The following RABGAP1L variants were observed in gnomAD, a reference collection of about 807,000 sequenced individuals.
RABGAP1L encodes RAB GTPase activating protein 1 like.
In RABGAP1L, 63 loss-of-function variants were observed where a neutral mutation model predicts 137.7. The observed-to-expected ratio is 0.46, with a 90% CI of 0.37 to 0.56. The LOEUF is 0.56. Among genes scored for constraint, RABGAP1L ranks in the 20% least tolerant of loss-of-function variants. The pLI is 0.00. For missense variants in RABGAP1L, 1,095 were observed against 1,244.0 expected (o/e 0.88, Z 1.80); for synonymous variants, 431 against 433.7 (o/e 0.99, Z 0.08).
At chr1:174,541,242 A>T (rs574513610) in intron 13 of RABGAP1L, among the ~76,000 whole-genome samples, 30 of 152,272 alleles carry the variant, frequency 2.0e-4, no homozygotes, top group Admixed American at 1.2e-3. Flanking sequence ...GTAAACAGGG[A>T]CAATTTGACT....
intron 13 of RABGAP1L, among the ~76,000 whole-genome samples, chr1:174,636,391 G>C (rs558893507): frequency 2.6e-5 from 4 of 152,062 alleles, no homozygotes; most frequent in Non-Finnish European, 4.4e-5. Flanking sequence ...AGCTGGGCGT[G>C]GTGGCGGGCA....
At chr1:174,363,704 A>G (rs956840499) in intron 11 of RABGAP1L, among the ~76,000 whole-genome samples, 9 of 151,936 alleles carry the variant, frequency 5.9e-5, no homozygotes, top group Admixed American at 6.6e-5. Context: ...GGCTTTTGTT[A>G]TATTGAGGTA....
intron 19 of RABGAP1L, among the ~76,000 whole-genome samples, chr1:174,846,063 G>A (rs1048473685): frequency 2.6e-5 from 4 of 151,034 alleles, no homozygotes; most frequent in Admixed American, 6.6e-5. Flanking sequence ...CTGTGGGATC[G>A]GTGGTGATAT....
At chr1:174,663,541 C>A (rs979900829) in intron 14 of RABGAP1L, among the ~76,000 whole-genome samples, 1 of 152,154 alleles carries the variant, frequency 6.6e-6, no homozygotes, top group African/African-American at 2.4e-5. Context: ...TGACATGTTT[C>A]TTAGAACGTA....
intron 17 of RABGAP1L, among the ~76,000 whole-genome samples, chr1:174,706,200 A>G (rs2148537240): frequency 6.6e-6 from 1 of 152,286 alleles, no homozygotes; most frequent in South Asian, 2.1e-4. Context: ...AGCAGAAAAG[A>G]GAAGAATTTT....
At chr1:174,718,837 CTTTTTTTT>C (rs11337437) in intron 17 of RABGAP1L, among the ~76,000 whole-genome samples, 2 of 106,422 alleles carry the variant, frequency 1.9e-5, no homozygotes, top group Admixed American at 1.0e-4. Flanking sequence ...TTTTCTTTTC[CTTTTTTTT>C]TTTTTTTTTT....
Position 174,925,434 on chromosome 1 carries a change from T to C in RABGAP1L, c.2341-32023T>C, listed in dbSNP as rs568473210. ...TGGTGAAAAAACCTTGGCAGGAGCA[T>C]GTCTGGTGTACCGGAGGAACCACAA... On this transcript the variant is annotated intron_variant, in intron 19 of 25. Coordinates refer to ENST00000681986, the MANE Select transcript of RABGAP1L (RefSeq NM_001366446.1). Among the ~76,000 whole-genome samples the C allele has an allele frequency of 4.3e-3, 621 of 145,116 alleles. 2 individuals are homozygous for C. Among genetic ancestry groups the C allele is most frequent in the Non-Finnish European group, 4.3e-3 (287 of 66,974 alleles).
intron 10 of RABGAP1L, among the ~76,000 whole-genome samples, chr1:174,281,239 T>G (rs909440522): frequency 6.6e-6 from 1 of 152,154 alleles, no homozygotes; most frequent in Non-Finnish European, 1.5e-5. Flanking sequence ...TATTCCCTTA[T>G]TTGGCCCAGC....
At chr1:174,876,515 G>C (rs781420604) in intron 19 of RABGAP1L, among the ~76,000 whole-genome samples, 9 of 152,078 alleles carry the variant, frequency 5.9e-5, no homozygotes, top group Non-Finnish European at 1.2e-4. Flanking sequence ...ACTTTGTAAT[G>C]GTGATTATGG....
At chr1:174,534,132 C>G (rs1426445932) in intron 13 of RABGAP1L, among the ~76,000 whole-genome samples, 1 of 132,542 alleles carries the variant, frequency 7.5e-6, no homozygotes, top group Admixed American at 7.7e-5. Flanking sequence ...GAGGTCAACT[C>G]TGTGTGTGTG....
At chr1:174,295,216 CTTTT>C (rs1186475150) in intron 10 of RABGAP1L, among the ~76,000 whole-genome samples, 1 of 136,908 alleles carries the variant, frequency 7.3e-6, no homozygotes. Flanking sequence ...TGCGCCCGGA[CTTTT>C]TTTTTTTTTT....
intron 19 of RABGAP1L, among the ~76,000 whole-genome samples, chr1:174,928,805 C>T (rs1017374481): frequency 1.3e-5 from 2 of 152,216 alleles, no homozygotes; most frequent in Non-Finnish European, 2.9e-5. Context: ...ATACCAGGCT[C>T]AGTGCTAGTG....
rs61434106 is a variant in RABGAP1L at position 174,866,709 on chromosome 1, C to T, written c.2340+54749C>T. Among the ~76,000 whole-genome samples the T allele has an allele frequency of 5.3e-3, 798 of 151,836 alleles. 10 individuals carry two copies. The highest frequency in any genetic ancestry group is 0.018 in the African/African-American group (753 of 41,380). On this transcript the variant is annotated intron_variant, in intron 19 of 25. Transcript: ENST00000681986. The stretch of plus-strand genomic sequence containing the variant: ...GGTGAATGGCTTGAGTTTGTGAGTT[C>T]GAGACCAGCCTGGGCAACATGGTGA...
chr1:174,613,720 G>A (rs1389017828), intron 13 of RABGAP1L, among the ~76,000 whole-genome samples: 3 of 152,196 alleles, frequency 2.0e-5, no homozygotes, highest in Non-Finnish European at 4.4e-5. Context: ...CTCAGGACTT[G>A]CATTATGAAT....
At chr1:174,284,732 GTC>G (rs1675903895) in intron 10 of RABGAP1L, among the ~76,000 whole-genome samples, 1 of 52,876 alleles carries the variant, frequency 1.9e-5, no homozygotes, top group African/African-American at 7.9e-5. Flanking sequence ...GTTATTTCTT[GTC>G]TTTTTTTTTT....
rs1212087809 is a variant in RABGAP1L, at chr1:174,976,199, G to A, written c.2649+17G>A. The A allele has an allele frequency of 1.3e-6, 2 of 1,518,314 alleles. No individual in the cohort carries two copies. The highest frequency in any genetic ancestry group is 1.4e-5 in the African/African-American group (1 of 72,302). The allele number at this position is 1,518,314 out of a possible 1,614,324, so 94.1% of individuals were successfully genotyped here. On this transcript the variant is annotated intron_variant, in intron 22 of 25. Coordinates refer to ENST00000681986, the MANE Select transcript of RABGAP1L (RefSeq NM_001366446.1). ...ACTGCCCAGGTAAAAGGAATAATATGTAGGCTTTTCTTTACAAAGGTATGT... is the reference window on the plus strand; with the variant it reads ...ACTGCCCAGGTAAAAGGAATAATATATAGGCTTTTCTTTACAAAGGTATGT...
intron 13 of RABGAP1L, among the ~76,000 whole-genome samples, chr1:174,489,596 T>G (rs1312782999): frequency 6.6e-6 from 1 of 151,874 alleles, no homozygotes; most frequent in African/African-American, 2.4e-5. Context: ...GTAAACTAGT[T>G]CAACCATTGT....
In RABGAP1L at chr1:174,994,943, A is replaced by T. The variant is rs539182461; in HGVS notation, c.*4942A>T. ...TAGAATAAAGGAGTTGATTAGTCTG[A>T]ACAGTACTAATTAACTACAAAATAA... On this transcript the variant is annotated 3_prime_UTR_variant, in exon 26 of 26. Coordinates refer to ENST00000681986, the MANE Select transcript of RABGAP1L (RefSeq NM_001366446.1). The T allele has an allele frequency of 1.3e-5, 2 of 152,350 alleles. No homozygotes were observed. The highest frequency in any genetic ancestry group is 4.1e-4 in the South Asian group (2 of 4,822). The allele number at this position is 152,350 out of a possible 1,614,324, so 9.4% of individuals were successfully genotyped here.
intron 3 of RABGAP1L, among the ~76,000 whole-genome samples, chr1:174,226,748 G>A (rs1166789856): frequency 6.6e-6 from 1 of 151,206 alleles, no homozygotes; most frequent in Non-Finnish European, 1.5e-5. Flanking sequence ...ATTAGTATTT[G>A]CATGGTATAT....
Sources: gnomAD v4.1 joint callset for allele counts (sites outside exome capture counted in the v4.1 genomes callset) on GRCh38, gnomAD v4.1.1 for gene constraint, MANE v1.5 for transcripts, NCBI Gene and HGNC (gene_info 2026-07-23, HGNC 2026-07-21) for gene names.